CSMD2: variants seen among roughly 807,000 people sequenced by gnomAD.
CSMD2 encodes the protein CUB and Sushi multiple domains 2.
Under a neutral mutation model 398.5 loss-of-function variants are expected in CSMD2, and 130 were observed. The ratio of observed to expected loss-of-function variants is 0.33; its 90% confidence interval spans 0.28 to 0.38. The LOEUF (loss-of-function observed/expected upper bound fraction) is 0.38. Ranked by LOEUF, CSMD2 falls within the 10% of genes least tolerant of loss-of-function variation. CSMD2 has a pLI of 1.00. For synonymous variants in CSMD2, 1,828 were observed against 1,908.5 expected, an observed-to-expected ratio of 0.96 and a Z score of 1.10; for missense variants, 3,829 against 4,764.9, an observed-to-expected ratio of 0.80 and a Z score of 5.78.
At chr1:34,091,472 T>C (rs1040812005) in intron 1 of CSMD2, among the ~76,000 whole-genome samples, 1 of 152,114 alleles carries the variant, frequency 6.6e-6, no homozygotes, top group Admixed American at 6.5e-5. Flanking sequence ...TACACAAAGG[T>C]GGGATTCAAA....
intron 2 of CSMD2, among the ~76,000 whole-genome samples, chr1:34,049,010 G>T (rs1222860798): frequency 6.6e-6 from 1 of 152,140 alleles, no homozygotes; most frequent in Non-Finnish European, 1.5e-5. Context: ...TCCTTCTCCA[G>T]AAGGAAATGT....
chr1:33,657,879 A>C, intron 27 of CSMD2, 67 bp downstream of exon 27: 1 of 1,454,094 alleles, frequency 6.9e-7, no homozygotes, highest in Non-Finnish European at 9.5e-7. Context: ...GCTGCTGTGC[A>C]TGGAAGGTTC....
At chr1:33,971,101 C>T (rs867911883) in intron 3 of CSMD2, among the ~76,000 whole-genome samples, 10 of 152,150 alleles carry the variant, frequency 6.6e-5, no homozygotes, top group African/African-American at 1.4e-4. Context: ...GCAGCCCTTG[C>T]GGTGTCTGCC....
chr1:34,062,312 A>G (rs1472812003), intron 2 of CSMD2, among the ~76,000 whole-genome samples: 1 of 152,182 alleles, frequency 6.6e-6, no homozygotes, highest in Non-Finnish European at 1.5e-5. Context: ...TTAAGCCTTC[A>G]ACTATTTTTA....
intron 5 of CSMD2, among the ~76,000 whole-genome samples, chr1:33,903,836 T>G (rs928652763): frequency 8.5e-5 from 13 of 152,238 alleles, no homozygotes; most frequent in African/African-American, 3.1e-4. Context: ...GATAGGAAAT[T>G]TACATTGAAC....
At chr1:33,978,101 A>G (rs997818824) in intron 3 of CSMD2, among the ~76,000 whole-genome samples, 5 of 152,022 alleles carry the variant, frequency 3.3e-5, no homozygotes, top group African/African-American at 1.2e-4. Context: ...TATTATTCCC[A>G]TTATATGGAT....
Position 33,675,574 on chromosome 1 carries a change from C to T in CSMD2, c.4053-12482G>A, listed in dbSNP as rs528265894. ...TTACTTCTGAAACTATTCCAATCAA[C>T]AGAAAAAGAGGGAATCCTCCCTAAC... On this transcript the variant is annotated intron_variant, in intron 25 of 70. Transcript: ENST00000373381. 3.4e-3 allele frequency among the ~76,000 whole-genome samples: 517 copies of T among 152,226 alleles called. 5 individuals carry two copies. The highest frequency in any genetic ancestry group is 0.012 in the African/African-American group (490 of 41,544).
chr1:33,540,651 C>T lies in CSMD2; in HGVS notation c.9505G>A (p.Gly3169Arg). The change falls in exon 60 of 71, where the codon GGG becomes AGG. Residue 3169 changes from glycine (G) to arginine (R), a missense_variant. Gly to Arg is a moderately radical substitution (Grantham distance 125, BLOSUM62 -2). This residue lies in a region of CSMD2 where 917 missense variants were observed against 1,199.5 expected (regional missense o/e 0.76). Transcript: ENST00000373381. Reference sequence around the variant, plus strand: ...CTTGAGCCCCACATGAAGTCAGACCCCACCACCTTCCCATTGGGGATGAGC... The same window carrying T: ...CTTGAGCCCCACATGAAGTCAGACCTCACCACCTTCCCATTGGGGATGAGC... ...PPLIPNGKVV[G>R]SDFMWGSSVT... The T allele has an allele frequency of 6.2e-7, 1 of 1,614,210 alleles. No individual in the cohort carries two copies. The highest frequency in any genetic ancestry group is 8.5e-7 in the Non-Finnish European group (1 of 1,180,050).
At chr1:34,096,516 T>C (rs1339892450) in intron 1 of CSMD2, among the ~76,000 whole-genome samples, 1 of 146,402 alleles carries the variant, frequency 6.8e-6, no homozygotes, top group African/African-American at 2.6e-5. Flanking sequence ...AAAACCCCAT[T>C]GTCTCAGCCC....
intron 41 of CSMD2, among the ~76,000 whole-genome samples, chr1:33,608,062 A>C (rs1640747174): frequency 6.6e-6 from 1 of 152,158 alleles, no homozygotes; most frequent in African/African-American, 2.4e-5. Context: ...CTTGTCGTCC[A>C]GGAAACCTCA....
intron 2 of CSMD2, among the ~76,000 whole-genome samples, chr1:34,037,126 ATAAGT>A (rs1651233528): frequency 6.6e-6 from 1 of 152,074 alleles, no homozygotes; most frequent in African/African-American, 2.4e-5. Flanking sequence ...ATTAAATTTA[ATAAGT>A]TTTAAAAAAT....
At position 33,990,082 on chromosome 1, in the gene CSMD2, C is replaced by T. The variant is rs75483284; in HGVS notation, c.517+42512G>A. ...GGTCCGGCATTCGAGACCAGCCTGG[C>T]CAACATGGCGAAACCCCATCTCTAC... is the stretch of plus-strand genomic sequence containing the variant. On this transcript the variant is annotated intron_variant, in intron 3 of 70. Transcript: ENST00000373381. Among the ~76,000 whole-genome samples, 164 of 151,456 alleles carry T rather than the reference C, an allele frequency of 1.1e-3. 1 individual carries two copies. In the East Asian group the frequency reaches 0.031, roughly 29 times the overall value.
rs1156339624 is a variant in CSMD2, at chr1:34,163,130, A to G, written c.187+1781T>C. On this transcript the variant is annotated intron_variant, in intron 1 of 70. Coordinates refer to ENST00000373381, the MANE Select transcript of CSMD2 (RefSeq NM_001281956.2). The surrounding 1 kb of genome is among the most constrained non-coding windows in gnomAD (Gnocchi z 5.4). ...AAGGGGCAGGGACAAATCTAGCCAG[A>G]AAAACAATTCAGTCCGATGCCGAGA... Among the ~76,000 whole-genome samples the G allele has an allele frequency of 2.0e-5, 3 of 152,252 alleles. No individual in the cohort carries two copies. Among genetic ancestry groups the G allele is most frequent in the Non-Finnish European group, 4.4e-5 (3 of 68,034 alleles).
chr1:33,837,517 G>T (rs1008977372), intron 6 of CSMD2, among the ~76,000 whole-genome samples: 1 of 152,026 alleles, frequency 6.6e-6, no homozygotes, highest in Non-Finnish European at 1.5e-5. Flanking sequence ...TGGCTCAATG[G>T]TCTGGCTACA....
At position 33,533,301 on chromosome 1, in the gene CSMD2, T is replaced by A; in HGVS notation, c.9992-72A>T. 1 of 1,319,940 alleles carries A rather than the reference T, an allele frequency of 7.6e-7. No individual in the cohort carries two copies. The highest frequency in any genetic ancestry group is 1.1e-6 in the Non-Finnish European group (1 of 941,430). The allele number at this position is 1,319,940 out of a possible 1,614,324, so 81.8% of individuals were successfully genotyped here. On this transcript the variant is annotated intron_variant, in intron 63 of 70. Coordinates refer to ENST00000373381, the MANE Select transcript of CSMD2 (RefSeq NM_001281956.2). This position sits in a 1 kb window ranked among gnomAD's most constrained non-coding sequence, Gnocchi z 4.2. ...TCAGGGGCCCTTTCGACCATTCCCC[T>A]GTTCCTAGATAGAATATCCTCTTCC...
At chr1:33,790,187 A>G (rs928587744) in intron 11 of CSMD2, among the ~76,000 whole-genome samples, 3 of 152,094 alleles carry the variant, frequency 2.0e-5, no homozygotes, top group Admixed American at 2.0e-4. Flanking sequence ...TGAGGGGGAG[A>G]GGTAAGTGTG....
At chr1:33,912,812 T>C (rs1472161638) in intron 5 of CSMD2, among the ~76,000 whole-genome samples, 1 of 152,094 alleles carries the variant, frequency 6.6e-6, no homozygotes, top group Non-Finnish European at 1.5e-5. Flanking sequence ...TGCTTTTCTT[T>C]TTCTTTTTGC....
chr1:33,705,836 T>C (rs549778743), intron 22 of CSMD2, among the ~76,000 whole-genome samples: 1 of 152,120 alleles, frequency 6.6e-6, no homozygotes, highest in South Asian at 2.1e-4. Flanking sequence ...TAATCTCTCC[T>C]ATATCTTTGA....
At chr1:33,937,060 C>T (rs1028520961) in intron 3 of CSMD2, among the ~76,000 whole-genome samples, 1 of 152,186 alleles carries the variant, frequency 6.6e-6, no homozygotes, top group Non-Finnish European at 1.5e-5. Flanking sequence ...ACTTTAGTTT[C>T]CTCATTTGTA....
Sources: gnomAD v4.1 joint callset for allele counts (sites outside exome capture counted in the v4.1 genomes callset) on GRCh38, gnomAD v4.1.1 for gene constraint, gnomAD v4.1.1 regional missense constraint, Gnocchi (gnomAD v3.1) non-coding constraint, MANE v1.5 for transcripts, NCBI Gene and HGNC (gene_info 2026-07-23, HGNC 2026-07-21) for gene names.